Variants in KCNK9 observed in about 807,000 individuals in gnomAD.
The protein encoded by KCNK9 is potassium two pore domain channel subfamily K member 9.
A neutral mutation model predicts 10.8 loss-of-function variants in KCNK9; 1 was observed. That is an observed-to-expected ratio of 0.09 (90% CI 0.03 to 0.44). The LOEUF is 0.44. KCNK9 is among the 20% of genes least tolerant of loss of function. KCNK9 has a pLI of 0.97. For synonymous variants in KCNK9, 231 were observed against 222.7 expected, an observed-to-expected ratio of 1.04 and a Z score of -0.33; for missense variants, 303 against 515.0, an observed-to-expected ratio of 0.59 and a Z score of 3.98.
rs1814688220 is a variant in KCNK9 at position 139,618,942 on chromosome 8, A to C, written c.441T>G (p.Cys147Trp). 5 of 1,614,096 alleles carry C rather than the reference A, an allele frequency of 3.1e-6. No individual in the cohort carries two copies. In the Admixed American group the frequency reaches 5.0e-5, roughly 16 times the overall value. The change falls in exon 2 of 2, where the codon TGT (cysteine) becomes TGG (tryptophan). Residue 147 changes from cysteine to tryptophan, a missense_variant. By Grantham distance (215) the Cys-to-Trp change is radical. Coordinates refer to ENST00000520439, the MANE Select transcript of KCNK9 (RefSeq NM_001282534.2). The surrounding 1 kb of genome is among the most constrained non-coding windows in gnomAD (Gnocchi z 7.9). ...RYLLKRIKKC[C>W]GMRNTDVSME... ...TAGACACGTCAGTGTTGCGCATGCC[A>C]CAGCACTTCTTAATGCGCTTCAGCA... is the stretch of plus-strand genomic sequence containing the variant.
intron 1 of KCNK9, among the ~76,000 whole-genome samples, chr8:139,622,300 C>T (rs921810430): frequency 2.0e-5 from 3 of 152,292 alleles, no homozygotes; most frequent in South Asian, 4.1e-4. Context: ...AGACAAGTTT[C>T]GGGACTCCCA....
At chr8:139,623,867 C>G (rs578191046) in intron 1 of KCNK9, among the ~76,000 whole-genome samples, 1 of 152,284 alleles carries the variant, frequency 6.6e-6, no homozygotes, top group East Asian at 1.9e-4. Flanking sequence ...GATAATGAAA[C>G]CAGGACTCCC....
At chr8:139,696,464 T>C (rs1267547831) in intron 1 of KCNK9, among the ~76,000 whole-genome samples, 1 of 152,224 alleles carries the variant, frequency 6.6e-6, no homozygotes, top group African/African-American at 2.4e-5. Context: ...TTGGAGATCC[T>C]TCATGGAGGC....
At chr8:139,652,440 T>TG (rs1247805279) in intron 1 of KCNK9, among the ~76,000 whole-genome samples, 1 of 152,210 alleles carries the variant, frequency 6.6e-6, no homozygotes, top group East Asian at 1.9e-4. Flanking sequence ...GAGCAACACC[T>TG]GGTCACCCTG....
intron 1 of KCNK9, among the ~76,000 whole-genome samples, chr8:139,625,503 T>G (rs1299942187): frequency 1.3e-5 from 2 of 152,140 alleles, no homozygotes; most frequent in Non-Finnish European, 1.5e-5. Flanking sequence ...CTCCTTGCTG[T>G]GCAAGTGACT....
intron 1 of KCNK9, among the ~76,000 whole-genome samples, chr8:139,621,246 G>A (rs1814766381): frequency 1.3e-5 from 2 of 150,532 alleles, no homozygotes; most frequent in African/African-American, 4.9e-5. Flanking sequence ...AGCCATGATT[G>A]TGCCACTGCA....
At chr8:139,621,641 T>A (rs1301542391) in intron 1 of KCNK9, among the ~76,000 whole-genome samples, 3 of 151,668 alleles carry the variant, frequency 2.0e-5, no homozygotes, top group African/African-American at 4.9e-5. Flanking sequence ...ATAAGAGAGT[T>A]CATTACCAGC....
intron 1 of KCNK9, among the ~76,000 whole-genome samples, chr8:139,661,465 C>T (rs1209036452): frequency 3.3e-5 from 5 of 152,198 alleles, no homozygotes; most frequent in Non-Finnish European, 1.5e-5. Flanking sequence ...AAGGTAGGGT[C>T]GTGGGTGTCC....
chr8:139,602,694 C>T lies in KCNK9; in HGVS notation c.*1-1093G>A, dbSNP rs148107705. Among the ~76,000 whole-genome samples, 6 of 152,288 alleles carry T rather than the reference C, an allele frequency of 3.9e-5. No homozygotes were observed. The East Asian group carries it at 1.2e-3, about 29-fold the overall frequency. On this transcript the variant is annotated intron_variant, in intron 2 of 2. Transcript: ENST00000650269. ...AGGGACACTAAATGGTAGGGCTCACCCCTCTGGGTTGCTTGTGAGAATCAT... is the reference window on the plus strand; with the variant it reads ...AGGGACACTAAATGGTAGGGCTCACTCCTCTGGGTTGCTTGTGAGAATCAT...
In KCNK9 at chr8:139,701,760, C is replaced by G. The variant is rs565332800; in HGVS notation, c.283+950G>C. 3.9e-5 allele frequency among the ~76,000 whole-genome samples: 6 copies of G among 152,278 alleles called. 1 individual carries two copies. The South Asian group carries it at 1.2e-3, about 32-fold the overall frequency. On this transcript the variant is annotated intron_variant, in intron 1 of 1. Transcript: ENST00000520439. ...ACGTCCACCCGAATGAAGGTACCTG[C>G]CCCAGCTCCCACAGGTCTCCAAGTA...
intron 1 of KCNK9, among the ~76,000 whole-genome samples, chr8:139,691,130 C>T (rs763320473): frequency 2.0e-5 from 3 of 152,168 alleles, no homozygotes; most frequent in Admixed American, 6.5e-5. Flanking sequence ...CAGAGCCAGT[C>T]GGCTGGGTCA....
intron 1 of KCNK9, among the ~76,000 whole-genome samples, chr8:139,660,284 G>A (rs1000922180): frequency 1.0e-3 from 156 of 152,114 alleles, no homozygotes; most frequent in African/African-American, 3.6e-3. Flanking sequence ...CTGGCGACAG[G>A]CCCCTGGCTC....
chr8:139,630,332 G>A (rs1029209203), intron 1 of KCNK9, among the ~76,000 whole-genome samples: 2 of 152,150 alleles, frequency 1.3e-5, no homozygotes, highest in African/African-American at 2.4e-5. Context: ...TGGAAGGAAC[G>A]GGTCTGCTCG....
In KCNK9 at chr8:139,679,384, C is replaced by T. The variant is rs569577032; in HGVS notation, c.283+23326G>A. Among the ~76,000 whole-genome samples, 10 of 152,348 alleles carry T rather than the reference C, an allele frequency of 6.6e-5. No homozygotes were observed. In the East Asian group the frequency reaches 1.9e-3, roughly 29 times the overall value. On this transcript the variant is annotated intron_variant, in intron 1 of 1. Coordinates refer to ENST00000520439, the MANE Select transcript of KCNK9 (RefSeq NM_001282534.2). ...TGGGAACTGCACAGGCCCAGGTCTG[C>T]GATGACTTCCCCCAGGAGCCCTGCC...
chr8:139,692,342 C>G (rs907819118), intron 1 of KCNK9, among the ~76,000 whole-genome samples: 41 of 152,304 alleles, frequency 2.7e-4, no homozygotes, highest in East Asian at 2.1e-3. Flanking sequence ...TGGGCAATGA[C>G]AAGAAGGTGA....
intron 1 of KCNK9, among the ~76,000 whole-genome samples, chr8:139,631,896 G>T (rs137971887): frequency 5.4e-4 from 82 of 152,300 alleles, no homozygotes; most frequent in Non-Finnish European, 8.5e-4. Context: ...CTCATGTAGG[G>T]CTAATTCACC....
chr8:139,607,999 C>T (rs911416419), downstream of KCNK9, among the ~76,000 whole-genome samples: 1 of 152,172 alleles, frequency 6.6e-6, no homozygotes, highest in African/African-American at 2.4e-5. Flanking sequence ...ATGTCTACAC[C>T]ACCCAGTGCC....
At chr8:139,689,123 C>T (rs1816881467) in intron 1 of KCNK9, among the ~76,000 whole-genome samples, 1 of 152,040 alleles carries the variant, frequency 6.6e-6, no homozygotes, top group Non-Finnish European at 1.5e-5. Flanking sequence ...ATCCACAAGC[C>T]AAAAAGAAAG....
At chr8:139,644,328 C>A (rs181456050) in intron 1 of KCNK9, among the ~76,000 whole-genome samples, 2 of 152,220 alleles carry the variant, frequency 1.3e-5, no homozygotes, top group Non-Finnish European at 2.9e-5. Flanking sequence ...CTCCTTCCAG[C>A]GGGCTCCCAT....
Sources: allele counts gnomAD v4.1 joint callset (sites outside exome capture counted in the v4.1 genomes callset), GRCh38; gene constraint gnomAD v4.1.1; non-coding constraint Gnocchi (gnomAD v3.1); transcripts MANE v1.5; gene names NCBI Gene and HGNC (gene_info 2026-07-23, HGNC 2026-07-21).